TREH: variants seen among roughly 807,000 people sequenced by gnomAD.
The protein encoded by TREH is trehalase.
Under a neutral mutation model 80.5 loss-of-function variants are expected in TREH, and 69 were observed. The ratio of observed to expected loss-of-function variants is 0.86; its 90% CI spans 0.71 to 1.05. The LOEUF (loss-of-function observed/expected upper bound fraction) is 1.05, where lower values mean the gene tolerates loss of function less well. Ranked by LOEUF, TREH falls within the 50% of genes least tolerant of loss-of-function variation. The pLI is 0.00. For synonymous variants in TREH, 309 were observed against 293.5 expected, an observed-to-expected ratio of 1.05 and a Z score of -0.54; for missense variants, 716 against 718.8, an observed-to-expected ratio of 1.00 and a Z score of 0.04.
At position 118,668,999 on chromosome 11, in the gene TREH, G is replaced by C. The variant is rs1949406553; in HGVS notation, c.90-5560C>G. Among the ~76,000 whole-genome samples the C allele has an allele frequency of 2.6e-5, 4 of 152,156 alleles. No homozygotes were observed. In the South Asian group the frequency reaches 8.3e-4, roughly 32 times the overall value. On this transcript the variant is annotated intron_variant, in intron 1 of 14. Transcript: ENST00000264029. ...CCAATTAAATATGGGCAAAAGAACTGAATAGACATTACTCAAAAGCAGACA... is the reference window on the plus strand; with the variant it reads ...CCAATTAAATATGGGCAAAAGAACTCAATAGACATTACTCAAAAGCAGACA...
chr11:118,679,099 G>A (rs1303927147), intron 1 of TREH, among the ~76,000 whole-genome samples: 2 of 152,172 alleles, frequency 1.3e-5, no homozygotes, highest in African/African-American at 2.4e-5. Flanking sequence ...GGTCCCGACA[G>A]GGGGCGGTGG....
At position 118,657,446 on chromosome 11, in the gene TREH, G is replaced by A. The variant is rs1250316716; in HGVS notation, c.*843C>T. The A allele has an allele frequency of 6.5e-6, 1 of 152,910 alleles. No homozygotes were observed. Among genetic ancestry groups the A allele is most frequent in the African/African-American group, 2.4e-5 (1 of 41,424 alleles). 9.5% of individuals were successfully genotyped at this position (152,910 alleles called of 1,614,324 possible). On this transcript the variant is annotated 3_prime_UTR_variant, in exon 15 of 15. Transcript: ENST00000264029. ...TGGCCCAGCCCACTGCTTCAGCTGT[G>A]GGCCATCTGAGGGTACGTGCCATCA...
chr11:118,672,420 TTAA>T (rs1174837513), intron 1 of TREH, among the ~76,000 whole-genome samples: 1 of 136,280 alleles, frequency 7.3e-6, no homozygotes, highest in Non-Finnish European at 1.6e-5. Flanking sequence ...AAAAAAAAAG[TTAA>T]TGATCGCTGG....
At chr11:118,672,929 TG>T (rs1349326439) in intron 1 of TREH, among the ~76,000 whole-genome samples, 1 of 151,894 alleles carries the variant, frequency 6.6e-6, no homozygotes, top group Non-Finnish European at 1.5e-5. Context: ...AAAAAGAAAA[TG>T]GTATAGTCAT....
chr11:118,672,690 GT>G (rs71041843), intron 1 of TREH, among the ~76,000 whole-genome samples: 46,461 of 132,998 alleles, frequency 0.35, 8,215 homozygotes, highest in Admixed American at 0.49. Context: ...TCCAGCCTGG[GT>G]TGACAGAGCG....
rs1949275030 is a variant in TREH at position 118,659,259 on chromosome 11, A to G, written c.1432+111T>C. On this transcript the variant is annotated intron_variant, in intron 12 of 14. Coordinates refer to ENST00000264029, the MANE Select transcript of TREH (RefSeq NM_007180.3). ...GAGGCCAGGAGAGCAGAGGAGCGAG[A>G]GAAAGGATACGGGGCCTCTTGTGTC... 52 of 969,822 alleles carry G rather than the reference A, an allele frequency of 5.4e-5. 2 individuals carry two copies. In the South Asian group the frequency reaches 8.8e-4, roughly 16 times the overall value. 60.1% of individuals were successfully genotyped at this position (969,822 alleles called of 1,614,324 possible).
chr11:118,660,206 G>A (rs1949303518), intron 10 of TREH, among the ~76,000 whole-genome samples: 1 of 152,178 alleles, frequency 6.6e-6, no homozygotes, highest in Admixed American at 6.5e-5. Context: ...TCCTCCCAAG[G>A]GTACTGGCTG....
Position 118,663,168 on chromosome 11 carries a change from C to G in TREH, c.219G>C (p.Leu73=), listed in dbSNP as rs191277805. 3 of 1,613,030 alleles carry G rather than the reference C, an allele frequency of 1.9e-6. No individual in the cohort carries two copies. The highest frequency in any genetic ancestry group is 1.7e-5 in the Admixed American group (1 of 59,798). ...GGATGCTGTGATTGTGGTCCCTGGA[C>G]AGCTCAGTGAAGGTCTGCAGGACTT... ...PEQVLQTFTE[L]SRDHNHSIPR... Residue 73 remains leucine, a synonymous_variant, in exon 3 of 15, where the codon CTG becomes CTC. Coordinates refer to ENST00000264029, the MANE Select transcript of TREH (RefSeq NM_007180.3).
intron 1 of TREH, 45 bp downstream of exon 1, chr11:118,679,494 C>T: frequency 6.9e-7 from 1 of 1,450,182 alleles, no homozygotes; most frequent in Non-Finnish European, 9.1e-7. Context: ...ATCCCAGCCT[C>T]CCTCTTATTG....
intron 1 of TREH, among the ~76,000 whole-genome samples, chr11:118,666,180 C>T (rs1949375908): frequency 6.6e-6 from 1 of 152,090 alleles, no homozygotes; most frequent in Non-Finnish European, 1.5e-5. Context: ...TTGCAGTGGG[C>T]CGGTATTGCA....
chr11:118,669,479 G>A (rs1949411282), intron 1 of TREH, among the ~76,000 whole-genome samples: 1 of 152,204 alleles, frequency 6.6e-6, no homozygotes, highest in South Asian at 2.1e-4. Flanking sequence ...TAAAGAAAAT[G>A]TGGTACATAT....
chr11:118,679,637 G>A lies in TREH; in HGVS notation c.-10C>T. The A allele has an allele frequency of 6.7e-7, 1 of 1,486,918 alleles. No individual in the cohort carries two copies. Among genetic ancestry groups the A allele is most frequent in the South Asian group, 1.4e-5 (1 of 73,052 alleles). The allele number at this position is 1,486,918 out of a possible 1,614,324, so 92.1% of individuals were successfully genotyped here. On this transcript the variant is annotated 5_prime_UTR_variant, in exon 1 of 15. Transcript: ENST00000264029. The stretch of plus-strand genomic sequence containing the variant: ...AGGTCCTCCCTGGCATGGTGGCTGT[G>A]ACTGTGACTGAATGAGCAAGCCCAG...
chr11:118,658,950 T>A lies in TREH; in HGVS notation c.1500A>T (p.Arg500=). The A allele has an allele frequency of 6.2e-7, 1 of 1,613,882 alleles. No homozygotes were observed. The highest frequency in any genetic ancestry group is 1.1e-5 in the South Asian group (1 of 91,084). Residue 500 remains arginine (R), a synonymous_variant, in exon 13 of 15, where the codon CGA becomes CGT. Transcript: ENST00000264029. ...VAFQLAQNWI[R]TNFDVYSQKS... ...TCTGCGAGTAGACATCAAAATTGGTTCGGATCCAATTCTGAGCCAGCTGGA... is the reference window on the plus strand; with the variant it reads ...TCTGCGAGTAGACATCAAAATTGGTACGGATCCAATTCTGAGCCAGCTGGA...
Position 118,658,068 on chromosome 11 carries a change from T to G in TREH, c.*221A>C. ...GGTGTGGGGCTTGGCGCTGAGGCAC[T>G]TGGGGATAGGTCTTCCCTCCAGAGC... is the stretch of plus-strand genomic sequence containing the variant. On this transcript the variant is annotated 3_prime_UTR_variant, in exon 15 of 15. Transcript: ENST00000264029. 1 of 610,400 alleles carries G rather than the reference T, an allele frequency of 1.6e-6. No homozygotes were observed. The highest frequency in any genetic ancestry group is 2.8e-6 in the Non-Finnish European group (1 of 357,328). The allele number at this position is 610,400 out of a possible 1,614,324, so 37.8% of individuals were successfully genotyped here.
intron 1 of TREH, among the ~76,000 whole-genome samples, chr11:118,673,769 A>T (rs987403794): frequency 2.6e-5 from 4 of 152,234 alleles, no homozygotes; most frequent in Non-Finnish European, 4.4e-5. Context: ...CCACTGTCCA[A>T]GAGTTAGTAA....
Position 118,658,155 on chromosome 11 carries a change from T to C in TREH, c.*134A>G. On this transcript the variant is annotated 3_prime_UTR_variant, in exon 15 of 15. Transcript: ENST00000264029. ...TAGGCCCCTACCCATGACCTCCAGG[T>C]CGTGACCCTGCCCTCCACTTCGCTC... is the stretch of plus-strand genomic sequence containing the variant. 7.8e-7 allele frequency: 1 copy of C among 1,282,872 alleles called. No homozygotes were observed. The highest frequency in any genetic ancestry group is 2.5e-5 in the East Asian group (1 of 39,340). 79.5% of individuals were successfully genotyped at this position (1,282,872 alleles called of 1,614,324 possible).
At chr11:118,662,219 G>C (rs572215451) in intron 4 of TREH, among the ~76,000 whole-genome samples, 2 of 151,538 alleles carry the variant, frequency 1.3e-5, no homozygotes, top group Non-Finnish European at 2.9e-5. Flanking sequence ...ACTTGGTGCC[G>C]GGTAGAAGAC....
rs199919053 is a variant in TREH, at chr11:118,658,888, G to T, written c.1545+17C>A. The T allele has an allele frequency of 7.4e-6, 12 of 1,613,398 alleles. No homozygotes were observed. Among genetic ancestry groups the T allele is most frequent in the Admixed American group, 5.0e-5 (3 of 59,998 alleles). Reference sequence around the variant, plus strand: ...TGGGACAGCCTGGGGGTGCAGGGAGGGCTTGGGCCAGCTCACCTTCTCATA... The same window carrying T: ...TGGGACAGCCTGGGGGTGCAGGGAGTGCTTGGGCCAGCTCACCTTCTCATA... On this transcript the variant is annotated intron_variant, in intron 13 of 14. Transcript: ENST00000264029.
At chr11:118,675,984 T>C (rs1190879067) in intron 1 of TREH, among the ~76,000 whole-genome samples, 3 of 152,234 alleles carry the variant, frequency 2.0e-5, no homozygotes, top group African/African-American at 4.8e-5. Flanking sequence ...ATTACAGGCA[T>C]GAGCCACTGT....
Sources: allele counts gnomAD v4.1 joint callset (sites outside exome capture counted in the v4.1 genomes callset), GRCh38; gene constraint gnomAD v4.1.1; transcripts MANE v1.5; gene names NCBI Gene and HGNC (gene_info 2026-07-23, HGNC 2026-07-21).